Variants in CPD observed in about 807,000 individuals in gnomAD.
CPD encodes the protein carboxypeptidase D.
Under a neutral mutation model 138.3 loss-of-function variants are expected in CPD, and 69 were observed. The observed-to-expected ratio is 0.50, with a 90% CI of 0.41 to 0.61. The LOEUF is 0.61. Among genes scored for constraint, CPD ranks in the 20% least tolerant of loss-of-function variants. CPD has a pLI of 0.00. For synonymous variants in CPD, 651 were observed against 642.1 expected, an observed-to-expected ratio of 1.01 and a Z score of -0.21; for missense variants, 1,432 against 1,733.3, an observed-to-expected ratio of 0.83 and a Z score of 3.09.
Position 30,378,989 on chromosome 17 carries a change from C to T in CPD, c.9C>T (p.Ser3=), listed in dbSNP as rs1430115872. MA[S]GRDERPPWRL... The stretch of plus-strand genomic sequence containing the variant: ...AGCGGCGCTGCTGGAAGATGGCGAG[C>T]GGCCGGGACGAGCGGCCGCCTTGGC... Residue 3 remains serine, a synonymous_variant, in exon 1 of 21, where the codon AGC becomes AGT. Transcript: ENST00000225719. 3.3e-6 allele frequency: 5 copies of T among 1,533,902 alleles called. No individual in the cohort carries two copies. The East Asian group carries it at 1.1e-4, about 32-fold the overall frequency.
In CPD at chr17:30,379,784, C is replaced by G; in HGVS notation, c.746+58C>G. 8.0e-7 allele frequency: 1 copy of G among 1,251,394 alleles called. No individual in the cohort carries two copies. The highest frequency in any genetic ancestry group is 1.0e-6 in the Non-Finnish European group (1 of 958,606). The allele number at this position is 1,251,394 out of a possible 1,614,324, so 77.5% of individuals were successfully genotyped here. A position where few individuals can be genotyped will look rare whatever the true frequency, so the allele number is the denominator to read the frequency against. ...GAGCCTCCAAGGGCCGAGGCTGGTT[C>G]CGGCACCCAGTAGGCGCTCAGACAA... On this transcript the variant is annotated intron_variant, in intron 1 of 20. Transcript: ENST00000225719. This position sits in a 1 kb window ranked among gnomAD's most constrained non-coding sequence, Gnocchi z 7.0.
chr17:30,436,473 GA>G (rs1912702164), intron 8 of CPD, among the ~76,000 whole-genome samples: 1 of 152,126 alleles, frequency 6.6e-6, no homozygotes, highest in Admixed American at 6.5e-5. Flanking sequence ...GATCTGAATG[GA>G]CATTTCTCTG....
intron 17 of CPD, among the ~76,000 whole-genome samples, chr17:30,458,273 T>TA: frequency 6.6e-6 from 1 of 152,352 alleles, no homozygotes; most frequent in East Asian, 1.9e-4. Context: ...ATACATGATT[T>TA]GCAAGTATTT....
intron 7 of CPD, among the ~76,000 whole-genome samples, chr17:30,428,202 G>C (rs1365897992): frequency 6.6e-6 from 1 of 152,144 alleles, no homozygotes; most frequent in African/African-American, 2.4e-5. Context: ...AATTTAGCAG[G>C]ATGGATCGGT....
chr17:30,458,958 G>A (rs1011876803), intron 17 of CPD, among the ~76,000 whole-genome samples: 1 of 151,510 alleles, frequency 6.6e-6, no homozygotes, highest in African/African-American at 2.4e-5. Context: ...TGAAGTAGGA[G>A]TTCAACTTCG....
At chr17:30,404,087 G>T (rs1231249215) in intron 2 of CPD, among the ~76,000 whole-genome samples, 1 of 152,100 alleles carries the variant, frequency 6.6e-6, no homozygotes, top group Non-Finnish European at 1.5e-5. Flanking sequence ...TAGATTAATG[G>T]TAACCCAGGG....
At chr17:30,417,971 T>C (rs957257334) in intron 2 of CPD, among the ~76,000 whole-genome samples, 1 of 152,106 alleles carries the variant, frequency 6.6e-6, no homozygotes. Flanking sequence ...TCATAGCTGG[T>C]GGTCACATAC....
At chr17:30,464,139 C>T (rs987017254) in intron 20 of CPD, among the ~76,000 whole-genome samples, 2 of 152,070 alleles carry the variant, frequency 1.3e-5, no homozygotes, top group African/African-American at 4.8e-5. Context: ...GCCTGTAATA[C>T]CAGCACTTTG....
intron 2 of CPD, among the ~76,000 whole-genome samples, chr17:30,403,534 G>A (rs1459963052): frequency 6.6e-6 from 1 of 152,078 alleles, no homozygotes; most frequent in African/African-American, 2.4e-5. Flanking sequence ...GGAAAGAAAG[G>A]ATGTGCAATA....
At chr17:30,456,419 C>T (rs1298358926) in intron 16 of CPD, 43 bp from the exon 17 acceptor site, 2 of 1,610,914 alleles carry the variant, frequency 1.2e-6, no homozygotes, top group South Asian at 1.1e-5. Context: ...AGGAGTTTCA[C>T]CTTAAGGTCT....
chr17:30,392,211 T>C (rs1440336113), intron 2 of CPD, among the ~76,000 whole-genome samples: 1 of 152,106 alleles, frequency 6.6e-6, no homozygotes, highest in African/African-American at 2.4e-5. Flanking sequence ...GGTTTCACCA[T>C]GTTGACCAGG....
In CPD at chr17:30,461,273, G is replaced by T; in HGVS notation, c.3592G>T (p.Ala1198Ser). The stretch of plus-strand genomic sequence containing the variant: ...TGCTGCACGACTCCCTTCCTTGTGG[G>T]CAGACAATAAGAGATCTCTTCTTAG... ...PSAARLPSLWADNKRSLLSML... is the reference protein window; with the variant it reads ...PSAARLPSLWSDNKRSLLSML... Residue 1198 changes from alanine to serine, a missense_variant, in exon 18 of 21, where the codon GCA becomes TCA. Physicochemically the swap from Ala to Ser is moderately conservative, Grantham distance 99. Transcript: ENST00000225719. 6 of 1,610,830 alleles carry T rather than the reference G, an allele frequency of 3.7e-6. 1 individual carries two copies. In the South Asian group the frequency reaches 6.6e-5, roughly 18 times the overall value.
Position 30,379,331 on chromosome 17 carries a change from C to G in CPD, c.351C>G (p.Ala117=). 1.3e-6 allele frequency: 2 copies of G among 1,489,634 alleles called. No individual in the cohort carries two copies. Among genetic ancestry groups the G allele is most frequent in the Non-Finnish European group, 1.8e-6 (2 of 1,127,748 alleles). The allele number at this position is 1,489,634 out of a possible 1,614,324, so 92.3% of individuals were successfully genotyped here. The change falls in exon 1 of 21, where the codon GCC becomes GCG. Residue 117 remains alanine (A), a synonymous_variant. Coordinates refer to ENST00000225719, the MANE Select transcript of CPD (RefSeq NM_001304.5). This position sits in a 1 kb window ranked among gnomAD's most constrained non-coding sequence, Gnocchi z 7.0. ...IPEGDAGPDA[A]GPDAAGPLLP... ...AGGGCGACGCGGGGCCTGACGCTGC[C>G]GGGCCCGACGCTGCGGGGCCGCTGC...
At chr17:30,456,168 A>G in intron 15 of CPD, 88 bp from the exon 16 acceptor site, 1 of 991,528 alleles carries the variant, frequency 1.0e-6, no homozygotes, top group Non-Finnish European at 1.5e-6. Context: ...TATTAGGAGA[A>G]AAAGATGACT....
chr17:30,422,519 C>G (rs2143414872), intron 4 of CPD, among the ~76,000 whole-genome samples, 155 bp from the exon 5 acceptor site: 1 of 152,228 alleles, frequency 6.6e-6, no homozygotes, highest in South Asian at 2.1e-4. Context: ...AGATAATGTC[C>G]TAAAACTCTT....
intron 8 of CPD, among the ~76,000 whole-genome samples, chr17:30,437,774 AAG>A (rs3039522): frequency 0.49 from 74,247 of 151,780 alleles, 18,599 homozygotes; most frequent in East Asian, 0.82. Flanking sequence ...TTTATTTGAT[AAG>A]AGAGTGATGG....
At chr17:30,382,009 G>A (rs1192146163) in intron 1 of CPD, among the ~76,000 whole-genome samples, 1 of 152,106 alleles carries the variant, frequency 6.6e-6, no homozygotes, top group African/African-American at 2.4e-5. Context: ...AGATTTTATA[G>A]TTGACTCCTA....
At chr17:30,428,527 T>TA (rs547575515) in intron 7 of CPD, among the ~76,000 whole-genome samples, 13 of 152,244 alleles carry the variant, frequency 8.5e-5, no homozygotes, top group Non-Finnish European at 1.8e-4. Flanking sequence ...CAAGTGCTGA[T>TA]ACATGCTACA....
chr17:30,448,693 T>C (rs558356547), intron 12 of CPD, among the ~76,000 whole-genome samples: 3 of 152,320 alleles, frequency 2.0e-5, no homozygotes, highest in Admixed American at 6.5e-5. Flanking sequence ...TATTTGACCA[T>C]TGTTTAATTT....
Sources: allele counts gnomAD v4.1 joint callset (sites outside exome capture counted in the v4.1 genomes callset), GRCh38; gene constraint gnomAD v4.1.1; non-coding constraint Gnocchi (gnomAD v3.1); transcripts MANE v1.5; gene names NCBI Gene and HGNC (gene_info 2026-07-23, HGNC 2026-07-21).